SPATS2L: variants seen among roughly 807,000 people sequenced by gnomAD.
SPATS2L encodes the protein SPATS2-like protein.
A neutral mutation model predicts 59.6 loss-of-function variants in SPATS2L; 30 were observed. The ratio of observed to expected loss-of-function variants is 0.50; its 90% CI spans 0.38 to 0.68. SPATS2L has a LOEUF of 0.68. Ranked by LOEUF, SPATS2L falls within the 30% of genes least tolerant of loss-of-function variation. The pLI is 0.00. For missense variants in SPATS2L, 615 were observed against 700.0 expected, an observed-to-expected ratio of 0.88 and a Z score of 1.37; for synonymous variants, 252 against 263.5, an observed-to-expected ratio of 0.96 and a Z score of 0.42.
At position 200,439,299 on chromosome 2, in the gene SPATS2L, T is replaced by C; in HGVS notation, c.623T>C (p.Ile208Thr). The C allele has an allele frequency of 1.2e-6, 2 of 1,613,578 alleles. No homozygotes were observed. Among genetic ancestry groups the C allele is most frequent in the Non-Finnish European group, 1.7e-6 (2 of 1,179,642 alleles). Residue 208 changes from isoleucine to threonine, a missense_variant, in exon 7 of 13, where the codon ATA becomes ACA. By Grantham distance (89) the Ile-to-Thr change is moderately conservative. Coordinates refer to ENST00000409140, the MANE Select transcript of SPATS2L (RefSeq NM_001100423.2). ...KSNTPAAHLE[I>T]KPDELAKKRG... ...AATACCCCTGCAGCTCATCTTGAAATAAAGCCAGATGAGTTGGCAAAGAAA... is the reference window on the plus strand; with the variant it reads ...AATACCCCTGCAGCTCATCTTGAAACAAAGCCAGATGAGTTGGCAAAGAAA...
intron 11 of SPATS2L, among the ~76,000 whole-genome samples, chr2:200,471,772 C>A (rs2087061780): frequency 6.6e-6 from 1 of 152,156 alleles, no homozygotes; most frequent in Non-Finnish European, 1.5e-5. Flanking sequence ...GTGTCCCTGG[C>A]CTTTCCATTT....
chr2:200,349,171 A>AGTTG (rs950284996), intron 2 of SPATS2L, among the ~76,000 whole-genome samples: 6 of 152,228 alleles, frequency 3.9e-5, no homozygotes, highest in African/African-American at 1.4e-4. Flanking sequence ...TCAGGCCTGT[A>AGTTG]GTTGGCATCA....
At chr2:200,404,470 G>T (rs188585714) in intron 3 of SPATS2L, among the ~76,000 whole-genome samples, 3 of 152,318 alleles carry the variant, frequency 2.0e-5, no homozygotes, top group East Asian at 3.9e-4. Flanking sequence ...ACAAAATGTG[G>T]CTTGAATGAG....
At chr2:200,346,480 GTGTCTGT>G (rs1446838178) in intron 2 of SPATS2L, among the ~76,000 whole-genome samples, 1 of 152,134 alleles carries the variant, frequency 6.6e-6, no homozygotes, top group Non-Finnish European at 1.5e-5. Flanking sequence ...CAAAGGCAGA[GTGTCTGT>G]TAACACTCCA....
chr2:200,464,435 C>T lies in SPATS2L; in HGVS notation c.848-2855C>T, dbSNP rs549323898. ...TTGCACCTGCATTCCTATTTTAGGG[C>T]CCATTTATATCTATTTCTACAAAAT... On this transcript the variant is annotated intron_variant, in intron 9 of 12. Coordinates refer to ENST00000409140, the MANE Select transcript of SPATS2L (RefSeq NM_001100423.2). Among the ~76,000 whole-genome samples, 151 of 152,262 alleles carry T rather than the reference C, an allele frequency of 9.9e-4. 1 individual carries two copies. Among genetic ancestry groups the T allele is most frequent in the African/African-American group, 3.5e-3 (146 of 41,542 alleles).
intron 8 of SPATS2L, among the ~76,000 whole-genome samples, chr2:200,448,218 G>A (rs2085188469): frequency 6.6e-6 from 1 of 152,186 alleles, no homozygotes; most frequent in Non-Finnish European, 1.5e-5. Flanking sequence ...GAGGTGGGTA[G>A]ATCACTTGAG....
intron 3 of SPATS2L, among the ~76,000 whole-genome samples, chr2:200,407,984 G>A (rs1278349678): frequency 6.6e-6 from 1 of 152,144 alleles, no homozygotes; most frequent in African/African-American, 2.4e-5. Flanking sequence ...ATCCAAAAAT[G>A]GCCAAGATGA....
intron 2 of SPATS2L, among the ~76,000 whole-genome samples, chr2:200,363,126 T>C (rs1408735179): frequency 6.6e-6 from 1 of 152,158 alleles, no homozygotes; most frequent in Non-Finnish European, 1.5e-5. Flanking sequence ...AAAGGGGCAG[T>C]AATGTATGTT....
chr2:200,386,942 C>A (rs1397216173), intron 2 of SPATS2L, among the ~76,000 whole-genome samples: 1 of 152,136 alleles, frequency 6.6e-6, no homozygotes, highest in African/African-American at 2.4e-5. Context: ...GAAAATCAGC[C>A]ATCCAGAAGT....
chr2:200,450,529 T>G (rs2085366262), intron 8 of SPATS2L, among the ~76,000 whole-genome samples: 1 of 152,162 alleles, frequency 6.6e-6, no homozygotes, highest in Non-Finnish European at 1.5e-5. Context: ...TCGCTACCTC[T>G]CTCTTCCCCT....
chr2:200,436,454 C>G (rs1021341605), intron 6 of SPATS2L, among the ~76,000 whole-genome samples: 15 of 152,086 alleles, frequency 9.9e-5, no homozygotes, highest in Non-Finnish European at 2.2e-4. Flanking sequence ...TTTTAATGTT[C>G]AGTGATTTCA....
intron 3 of SPATS2L, among the ~76,000 whole-genome samples, chr2:200,411,606 T>C (rs912011488): frequency 6.6e-5 from 10 of 152,218 alleles, no homozygotes; most frequent in African/African-American, 2.4e-4. Context: ...TTAATTCTAA[T>C]AGTCAAGAAG....
chr2:200,346,265 C>G (rs1054177596), intron 2 of SPATS2L, among the ~76,000 whole-genome samples: 2 of 152,210 alleles, frequency 1.3e-5, no homozygotes, highest in African/African-American at 4.8e-5. Context: ...GCTCCATGAG[C>G]TAGGAAACCC....
intron 3 of SPATS2L, among the ~76,000 whole-genome samples, chr2:200,411,665 C>T (rs921652857): frequency 6.6e-6 from 1 of 152,150 alleles, no homozygotes; most frequent in Admixed American, 6.5e-5. Context: ...TGTCATTAAA[C>T]GTTGAATATA....
chr2:200,470,601 CACAAG>C (rs2086952083), intron 11 of SPATS2L, among the ~76,000 whole-genome samples: 1 of 152,162 alleles, frequency 6.6e-6, no homozygotes. Flanking sequence ...CCAGCCCACC[CACAAG>C]GGGAGGTGGG....
chr2:200,345,004 C>T (rs2080464468), intron 2 of SPATS2L, among the ~76,000 whole-genome samples: 1 of 152,156 alleles, frequency 6.6e-6, no homozygotes, highest in South Asian at 2.1e-4. Context: ...TATTTTCTCC[C>T]ATTCTTTAGA....
intron 2 of SPATS2L, chr2:200,372,311 G>A: frequency 3.7e-6 from 2 of 534,990 alleles, no homozygotes; most frequent in Non-Finnish European, 4.8e-6. Flanking sequence ...TGCTTGAACA[G>A]ATTCTGTGAC....
intron 1 of SPATS2L, chr2:200,309,178 C>G: frequency 1.4e-6 from 1 of 716,298 alleles, no homozygotes; most frequent in South Asian, 1.5e-5. Flanking sequence ...AGTCTGCGAT[C>G]AGAGTTGTGT....
At chr2:200,359,797 T>C (rs1183009313) in intron 2 of SPATS2L, among the ~76,000 whole-genome samples, 1 of 152,208 alleles carries the variant, frequency 6.6e-6, no homozygotes, top group African/African-American at 2.4e-5. Flanking sequence ...TGGAAAGTCA[T>C]CTTACAGCAT....
Sources: gnomAD v4.1 joint callset for allele counts (sites outside exome capture counted in the v4.1 genomes callset) on GRCh38, gnomAD v4.1.1 for gene constraint, MANE v1.5 for transcripts, NCBI Gene and HGNC (gene_info 2026-07-23, HGNC 2026-07-21) for gene names.